Variants in SETBP1 observed in about 807,000 individuals in gnomAD.
SETBP1 encodes SET binding protein 1.
A neutral mutation model predicts 101.0 loss-of-function variants in SETBP1; 9 were observed. The observed-to-expected ratio is 0.09, with a 90% CI of 0.05 to 0.16. SETBP1 has a LOEUF of 0.16. Among genes scored for constraint, SETBP1 ranks in the 10% least tolerant of loss-of-function variants. The pLI is 1.00. For missense variants in SETBP1, 1,858 were observed against 2,033.8 expected (o/e 0.91, Z 1.66); for synonymous variants, 818 against 788.5 (o/e 1.04, Z -0.63).
chr18:44,973,048 C>T (rs1001074407), intron 4 of SETBP1, among the ~76,000 whole-genome samples: 5 of 152,118 alleles, frequency 3.3e-5, no homozygotes, highest in South Asian at 2.1e-4. Context: ...TGAGATCCGT[C>T]CCATCAATAC....
At chr18:44,747,129 A>G (rs2070272904) in intron 2 of SETBP1, among the ~76,000 whole-genome samples, 1 of 152,180 alleles carries the variant, frequency 6.6e-6, no homozygotes, top group Admixed American at 6.5e-5. Context: ...CTCCAGCATC[A>G]ATCATATCTA....
Position 45,064,893 on chromosome 18 carries a change from G to C in SETBP1, c.*1195G>C, listed in dbSNP as rs1044097785. ...ATTTCTTAAAAGCAAATGGGAGTAA[G>C]TGTTCTTATCTGGAAAAATAAATAA... is the stretch of plus-strand genomic sequence containing the variant. On this transcript the variant is annotated 3_prime_UTR_variant, in exon 6 of 6. Coordinates refer to ENST00000649279, the MANE Select transcript of SETBP1 (RefSeq NM_015559.3). 1.3e-5 allele frequency: 2 copies of C among 151,396 alleles called. No homozygotes were observed. Among genetic ancestry groups the C allele is most frequent in the Non-Finnish European group, 2.9e-5 (2 of 67,962 alleles). The allele number at this position is 151,396 out of a possible 1,614,324, so 9.4% of individuals were successfully genotyped here.
intron 3 of SETBP1, among the ~76,000 whole-genome samples, chr18:44,901,724 A>T (rs1333861379): frequency 2.0e-5 from 3 of 152,216 alleles, no homozygotes; most frequent in African/African-American, 7.2e-5. Context: ...TATGCTGCAC[A>T]TAGAAGCTAT....
At chr18:44,901,145 G>T (rs1238875832) in intron 3 of SETBP1, among the ~76,000 whole-genome samples, 2 of 152,100 alleles carry the variant, frequency 1.3e-5, no homozygotes, top group African/African-American at 4.8e-5. Context: ...ATTTAGTTTT[G>T]TTGGGGGAAT....
At chr18:44,816,264 C>T (rs1452305772) in intron 2 of SETBP1, among the ~76,000 whole-genome samples, 2 of 152,084 alleles carry the variant, frequency 1.3e-5, no homozygotes, top group Non-Finnish European at 2.9e-5. Context: ...TAGGGCAGAC[C>T]CCTGAGAGGA....
At chr18:44,786,863 G>A (rs1031900651) in intron 2 of SETBP1, among the ~76,000 whole-genome samples, 1 of 152,138 alleles carries the variant, frequency 6.6e-6, no homozygotes, top group Non-Finnish European at 1.5e-5. Flanking sequence ...TGAGTTTGTC[G>A]GGGGAAATGT....
chr18:44,841,478 G>A (rs1162711353), intron 2 of SETBP1, among the ~76,000 whole-genome samples: 1 of 152,186 alleles, frequency 6.6e-6, no homozygotes, highest in African/African-American at 2.4e-5. Flanking sequence ...CAAGGGGAAA[G>A]GGATTAGGCT....
rs757929307 is a variant in SETBP1, at chr18:45,043,495, G to A, written c.4171+4840G>A. 5.3e-5 allele frequency among the ~76,000 whole-genome samples: 8 copies of A among 151,412 alleles called. No individual in the cohort carries two copies. In the East Asian group the frequency reaches 5.8e-4, roughly 11 times the overall value. ...TGCTATCATTGGATCTCAACTGCTCGAGGTGTAGCTCAGTTTGAGATAACA... is the reference window on the plus strand; with the variant it reads ...TGCTATCATTGGATCTCAACTGCTCAAGGTGTAGCTCAGTTTGAGATAACA... On this transcript the variant is annotated intron_variant, in intron 5 of 5. Coordinates refer to ENST00000649279, the MANE Select transcript of SETBP1 (RefSeq NM_015559.3).
intron 4 of SETBP1, among the ~76,000 whole-genome samples, chr18:45,019,955 A>G (rs4890500): frequency 0.3 from 45,309 of 151,910 alleles, 6,970 homozygotes; most frequent in East Asian, 0.53. Context: ...TTGGGTTCAA[A>G]TTCCTTGTAA....
At chr18:44,914,861 A>T (rs2070390972) in intron 3 of SETBP1, among the ~76,000 whole-genome samples, 1 of 152,040 alleles carries the variant, frequency 6.6e-6, no homozygotes, top group African/African-American at 2.4e-5. Flanking sequence ...CCAAGACTCC[A>T]CCCAAGCCAA....
At chr18:44,877,483 C>T in intron 3 of SETBP1, 1 of 641,310 alleles carries the variant, frequency 1.6e-6, no homozygotes, top group Non-Finnish European at 1.9e-6. Flanking sequence ...TGTTCACCCT[C>T]CAAAAAAAAT....
chr18:44,992,720 G>A (rs564656059), intron 4 of SETBP1, among the ~76,000 whole-genome samples: 26 of 151,946 alleles, frequency 1.7e-4, no homozygotes, highest in South Asian at 1.7e-3. Flanking sequence ...TTTAAAAATC[G>A]TTTAAATAAA....
intron 4 of SETBP1, among the ~76,000 whole-genome samples, chr18:44,985,581 G>A (rs532569331): frequency 1.5e-4 from 23 of 152,328 alleles, no homozygotes; most frequent in African/African-American, 3.8e-4. Context: ...AGTTACTTGA[G>A]TAATGATTCT....
At chr18:44,749,405 C>T (rs111773081) in intron 2 of SETBP1, among the ~76,000 whole-genome samples, 133 of 152,302 alleles carry the variant, frequency 8.7e-4, no homozygotes, top group African/African-American at 3.1e-3. Context: ...GAAGCTCCCT[C>T]ATCACTGGAC....
chr18:45,062,949 G>A (rs952655367), intron 5 of SETBP1, 130 bp from the exon 6 acceptor site: 8 of 1,189,200 alleles, frequency 6.7e-6, no homozygotes, highest in Admixed American at 2.3e-5. Context: ...TCTTGGGCAC[G>A]GAGACATACC....
intron 1 of SETBP1, among the ~76,000 whole-genome samples, chr18:44,690,789 A>C (rs1351018095): frequency 6.6e-6 from 1 of 152,206 alleles, no homozygotes; most frequent in Non-Finnish European, 1.5e-5. Flanking sequence ...GAAAAACGTA[A>C]ATAAACTTAG....
At chr18:45,060,527 G>C (rs966645963) in intron 5 of SETBP1, among the ~76,000 whole-genome samples, 1 of 151,822 alleles carries the variant, frequency 6.6e-6, no homozygotes, top group African/African-American at 2.4e-5. Flanking sequence ...CATCTGTAAT[G>C]TTTTCTTATT....
chr18:44,938,392 A>C (rs1285948980), intron 3 of SETBP1, among the ~76,000 whole-genome samples: 1 of 152,272 alleles, frequency 6.6e-6, no homozygotes, highest in African/African-American at 2.4e-5. Flanking sequence ...CCATAGAAAC[A>C]ATCAATGATG....
chr18:44,753,516 T>TAC (rs2070431712), intron 2 of SETBP1, among the ~76,000 whole-genome samples: 1 of 152,192 alleles, frequency 6.6e-6, no homozygotes, highest in African/African-American at 2.4e-5. Context: ...ATAATAGAAA[T>TAC]ACACCATTAT....
Sources: allele counts gnomAD v4.1 joint callset (sites outside exome capture counted in the v4.1 genomes callset), GRCh38; gene constraint gnomAD v4.1.1; transcripts MANE v1.5; gene names NCBI Gene and HGNC (gene_info 2026-07-23, HGNC 2026-07-21).